ZBTB45: variants seen among roughly 807,000 people sequenced by gnomAD.
ZBTB45 encodes zinc finger and BTB domain-containing protein 45.
Under a neutral mutation model 28.4 loss-of-function variants are expected in ZBTB45, and 22 were observed. That is an observed-to-expected ratio of 0.77 (90% CI 0.55 to 1.10). ZBTB45 has a LOEUF of 1.10. ZBTB45 is among the 50% of genes least tolerant of loss of function. The pLI is 0.00. For missense variants in ZBTB45, 656 were observed against 750.2 expected, an observed-to-expected ratio of 0.87 and a Z score of 1.47; for synonymous variants, 361 against 332.3, an observed-to-expected ratio of 1.09 and a Z score of -0.94.
chr19:58,514,107 A>C lies in ZBTB45; in HGVS notation c.1483T>G (p.Phe495Val), dbSNP rs1448123043. 1 of 1,598,614 alleles carries C rather than the reference A, an allele frequency of 6.3e-7. No homozygotes were observed. The highest frequency in any genetic ancestry group is 8.5e-7 in the Non-Finnish European group (1 of 1,173,574). The change falls in exon 3 of 3, where the codon TTC becomes GTC. Residue 495 changes from phenylalanine (F) to valine (V), a missense_variant. Around this residue, in one of 3 missense-constraint regions of ZBTB45, gnomAD observed 103 missense variants for 153.5 expected, o/e 0.67. Transcript: ENST00000594051. ...RAPCPACGKV[F>V]SHRALLERHL... is the part of the protein sequence containing the mutation. The stretch of plus-strand genomic sequence containing the variant: ...CGCTCCAGCAGCGCGCGGTGCGAGA[A>C]GACCTTGCCGCAGGCGGGGCAGGGC...
At chr19:58,527,017 C>G (rs907669234) in intron 1 of ZBTB45, among the ~76,000 whole-genome samples, 2 of 152,144 alleles carry the variant, frequency 1.3e-5, no homozygotes, top group African/African-American at 2.4e-5. Flanking sequence ...GAGTAAAGCT[C>G]TAAGGTGAAG....
At chr19:58,535,957 T>C (rs2053657685) in intron 1 of ZBTB45, among the ~76,000 whole-genome samples, 2 of 151,966 alleles carry the variant, frequency 1.3e-5, no homozygotes, top group South Asian at 4.2e-4. Context: ...ACATTCTGAG[T>C]AGAGGCAATA....
chr19:58,525,119 G>A (rs62114664), intron 1 of ZBTB45, among the ~76,000 whole-genome samples: 1 of 152,100 alleles, frequency 6.6e-6, no homozygotes, highest in Non-Finnish European at 1.5e-5. Flanking sequence ...TCTCGGCTGT[G>A]CCTGATTCCA....
At chr19:58,531,016 C>A (rs1166515837) in intron 1 of ZBTB45, among the ~76,000 whole-genome samples, 1 of 152,122 alleles carries the variant, frequency 6.6e-6, no homozygotes, top group African/African-American at 2.4e-5. Flanking sequence ...TGGGTATATA[C>A]CTTGGAGGTG....
chr19:58,517,561 C>T lies in ZBTB45; in HGVS notation c.113G>A (p.Arg38His), dbSNP rs1328626010. 14 of 1,613,766 alleles carry T rather than the reference C, an allele frequency of 8.7e-6. No individual in the cohort carries two copies. Among genetic ancestry groups the T allele is most frequent in the Admixed American group, 6.7e-5 (4 of 60,002 alleles). The stretch of plus-strand genomic sequence containing the variant: ...GGCACGCAGCGAAGCTTCACGAATG[C>T]GCACAGTCACGTCACAGAAGTGTCC... ...LGGHFCDVTV[R>H]IREASLRAHR... Residue 38 changes from arginine to histidine, a missense_variant, in exon 2 of 3, where the codon CGC becomes CAC. By Grantham distance (29) the Arg-to-His change is conservative (BLOSUM62 0). Around this residue, in one of 3 missense-constraint regions of ZBTB45, gnomAD observed 105 missense variants for 152.4 expected, o/e 0.69. Transcript: ENST00000594051.
chr19:58,521,181 G>A (rs2053575185), upstream of ZBTB45, among the ~76,000 whole-genome samples: 1 of 146,730 alleles, frequency 6.8e-6, no homozygotes, highest in African/African-American at 2.5e-5. Context: ...TGGCTAACAC[G>A]GTGAAACCCC....
In ZBTB45 at chr19:58,514,318, A is replaced by C. The variant is rs4801602; in HGVS notation, c.1280-8T>G. The C allele has an allele frequency of 0.94, 1,501,991 of 1,590,042 alleles. 711,127 individuals carry two copies. Among genetic ancestry groups the C allele is most frequent in the Non-Finnish European group, 0.96 (1,124,228 of 1,165,034 alleles). On this transcript the variant is annotated splice_polypyrimidine_tract_variant and splice_region_variant and intron_variant, in intron 2 of 2. Transcript: ENST00000594051. ...ACTGGTGCGGCTTCTCCCCTGCGGA[A>C]GACAGGGCGGGCCGCGAACGCAAGT...
At chr19:58,525,426 G>A (rs1015562258) in intron 1 of ZBTB45, among the ~76,000 whole-genome samples, 3 of 152,344 alleles carry the variant, frequency 2.0e-5, no homozygotes, top group African/African-American at 4.8e-5. Context: ...GTGGTCCCTG[G>A]CAAGGCAAAT....
intron 1 of ZBTB45, among the ~76,000 whole-genome samples, chr19:58,531,137 C>A (rs1600070121): frequency 6.6e-6 from 1 of 152,208 alleles, no homozygotes; most frequent in South Asian, 2.1e-4. Flanking sequence ...TTCTCCACAT[C>A]CTCACTCTCA....
upstream of ZBTB45, among the ~76,000 whole-genome samples, chr19:58,523,090 G>A (rs1396444911): frequency 6.6e-6 from 1 of 152,126 alleles, no homozygotes; most frequent in Non-Finnish European, 1.5e-5. Context: ...GGGGCCTGGA[G>A]GATTAGGGCA....
intron 1 of ZBTB45, among the ~76,000 whole-genome samples, chr19:58,537,739 C>T (rs1213123113): frequency 6.6e-6 from 1 of 152,052 alleles, no homozygotes; most frequent in Non-Finnish European, 1.5e-5. Context: ...CCCTAGAGGC[C>T]AGAGGCAGGT....
At chr19:58,529,483 G>A (rs2053625325) in intron 1 of ZBTB45, among the ~76,000 whole-genome samples, 1 of 152,152 alleles carries the variant, frequency 6.6e-6, no homozygotes, top group South Asian at 2.1e-4. Context: ...TCACAATGGT[G>A]TACAACCACC....
rs2053529806 is a variant in ZBTB45, at chr19:58,517,656, A to C, written c.18T>G (p.Ala6=). ...AGTTCTGCAGGTGTATGTGATGCAC[A>C]GCCTCTGCAGCCGCCATCTGCACAG... MAAAE[A]VHHIHLQNFS... The change falls in exon 2 of 3, where the codon GCT becomes GCG. Residue 6 remains alanine (A), a synonymous_variant. Coordinates refer to ENST00000594051, the MANE Select transcript of ZBTB45 (RefSeq NM_001316979.2). 5 of 1,613,256 alleles carry C rather than the reference A, an allele frequency of 3.1e-6. No individual in the cohort carries two copies. Among genetic ancestry groups the C allele is most frequent in the Middle Eastern group, 1.7e-4 (1 of 6,058 alleles).
At chr19:58,520,128 T>G (rs2053566091), upstream of ZBTB45, 1 of 152,204 alleles carries the variant, frequency 6.6e-6, no homozygotes. Flanking sequence ...CTGGCCAGTT[T>G]AAACCCCACT....
chr19:58,521,083 G>A (rs11669494), upstream of ZBTB45, among the ~76,000 whole-genome samples: 10,431 of 96,762 alleles, frequency 0.11, 576 homozygotes, highest in Middle Eastern at 0.15. Context: ...AAAAAAAAAA[G>A]GCCGGGCGCG....
rs1021327024 is a variant in ZBTB45 at position 58,513,960 on chromosome 19, G to C, written c.*94C>G. On this transcript the variant is annotated 3_prime_UTR_variant, in exon 3 of 3. Coordinates refer to ENST00000594051, the MANE Select transcript of ZBTB45 (RefSeq NM_001316979.2). Reference sequence around the variant, plus strand: ...GGACCTGCGCTCAGGAGGGAGCGTGGTCTAGTGGCGGGAACCACGGGTCCC... The same window carrying C: ...GGACCTGCGCTCAGGAGGGAGCGTGCTCTAGTGGCGGGAACCACGGGTCCC... 1.5e-6 allele frequency: 2 copies of C among 1,324,822 alleles called. No homozygotes were observed. Among genetic ancestry groups the C allele is most frequent in the South Asian group, 3.7e-5 (2 of 54,132 alleles). 82.1% of individuals were successfully genotyped at this position (1,324,822 alleles called of 1,614,324 possible).
chr19:58,520,194 T>C (rs2053566413), upstream of ZBTB45: 1 of 152,214 alleles, frequency 6.6e-6, no homozygotes, highest in African/African-American at 2.4e-5. Flanking sequence ...GAAGTAGGTC[T>C]CGGTCCCTGG....
intron 1 of ZBTB45, among the ~76,000 whole-genome samples, chr19:58,518,637 C>G (rs1240957103): frequency 6.6e-6 from 1 of 152,048 alleles, no homozygotes; most frequent in Non-Finnish European, 1.5e-5. Flanking sequence ...CCTCAGAGGA[C>G]TCTGGAATCT....
At chr19:58,538,080 C>G (rs867959456) in intron 1 of ZBTB45, among the ~76,000 whole-genome samples, 1 of 152,084 alleles carries the variant, frequency 6.6e-6, no homozygotes, top group Non-Finnish European at 1.5e-5. Context: ...TCAGGTGATC[C>G]GCCCACCTCG....
Sources: gnomAD v4.1 joint callset for allele counts (sites outside exome capture counted in the v4.1 genomes callset) on GRCh38, gnomAD v4.1.1 for gene constraint, gnomAD v4.1.1 regional missense constraint, MANE v1.5 for transcripts, NCBI Gene and HGNC (gene_info 2026-07-23, HGNC 2026-07-21) for gene names.